Variants in HIVEP3 observed in about 807,000 individuals in gnomAD.
HIVEP3 encodes the protein HIVEP zinc finger 3, also known as transcription factor HIVEP3.
HIVEP3 carries 49 observed loss-of-function variants against 152.8 expected under a neutral mutation model. The observed-to-expected ratio is 0.32, with a 90% confidence interval of 0.26 to 0.41. The LOEUF is 0.41. HIVEP3 is among the 10% of genes least tolerant of loss of function. The pLI is 1.00. For synonymous variants in HIVEP3, 1,269 were observed against 1,289.0 expected, an observed-to-expected ratio of 0.98 and a Z score of 0.33; for missense variants, 2,790 against 3,103.3, an observed-to-expected ratio of 0.90 and a Z score of 2.40.
chr1:41,978,299 C>T (rs114297167), intron 1 of HIVEP3, among the ~76,000 whole-genome samples: 3 of 152,104 alleles, frequency 2.0e-5, no homozygotes, highest in Non-Finnish European at 2.9e-5. Context: ...TCCCCCACCC[C>T]CCAAATTCAT....
chr1:41,620,927 G>A (rs187893571), intron 3 of HIVEP3, among the ~76,000 whole-genome samples: 2 of 152,260 alleles, frequency 1.3e-5, no homozygotes, highest in East Asian at 1.9e-4. Flanking sequence ...TTCCACCTGC[G>A]GCACCTCGAG....
At chr1:41,690,751 C>G (rs1272553417) in intron 2 of HIVEP3, among the ~76,000 whole-genome samples, 1 of 152,150 alleles carries the variant, frequency 6.6e-6, no homozygotes, top group East Asian at 1.9e-4. Flanking sequence ...AACGCTGTCT[C>G]TACTAAAAAT....
rs368381179 is a variant in HIVEP3, at chr1:41,801,761, T to TA, written c.-800-100767dup. Among the ~76,000 whole-genome samples the TA allele has an allele frequency of 4.8e-3, 695 of 145,260 alleles. 6 individuals carry two copies. The highest frequency in any genetic ancestry group is 0.016 in the African/African-American group (632 of 39,450). On this transcript the variant is annotated intron_variant, in intron 1 of 8. Coordinates refer to ENST00000372583, the MANE Select transcript of HIVEP3 (RefSeq NM_024503.5). ...TCCATCTGAAAAAAATAAAATAAGA[T>TA]AAAAAAAAAATGCCCCTAGGGGTCC...
Position 41,986,376 on chromosome 1 carries a change from A to G in HIVEP3, n.119+49431T>C, listed in dbSNP as rs185624766. 9.9e-5 allele frequency among the ~76,000 whole-genome samples: 15 copies of G among 151,990 alleles called. No homozygotes were observed. In the East Asian group the frequency reaches 2.5e-3, roughly 25 times the overall value. The stretch of plus-strand genomic sequence containing the variant: ...CTTCCATGCATAACACTGAAGTTCT[A>G]TAAGTATTTGTTGAACAAGTGGTAC... On this transcript the variant is annotated intron_variant and non_coding_transcript_variant, in intron 1 of 3. Coordinates refer to the HIVEP3 transcript ENST00000489103.
In HIVEP3 at chr1:41,582,181, G is replaced by T. The variant is rs774393791; in HGVS notation, c.2617C>A (p.Pro873Thr). 2.5e-6 allele frequency: 4 copies of T among 1,613,904 alleles called. No homozygotes were observed. The highest frequency in any genetic ancestry group is 3.4e-6 in the Non-Finnish European group (4 of 1,179,980). Residue 873 changes from proline to threonine, a missense_variant, in exon 4 of 9, where the codon CCG (proline) becomes ACG (threonine). Pro to Thr is a conservative substitution (Grantham distance 38, BLOSUM62 -1). Coordinates refer to ENST00000372583, the MANE Select transcript of HIVEP3 (RefSeq NM_024503.5). This position sits in a 1 kb window ranked among gnomAD's most constrained non-coding sequence, Gnocchi z 4.7. ...EPDRPDTEPE[P>T]PPKEPEKTEE... is the part of the protein sequence containing the mutation. ...GTCTTCTCAGGTTCCTTAGGGGGCG[G>T]CTCTGGCTCTGTGTCCGGCCGGTCA... is the stretch of plus-strand genomic sequence containing the variant.
At chr1:41,703,713 G>T (rs1031654386) in intron 1 of HIVEP3, among the ~76,000 whole-genome samples, 7 of 152,182 alleles carry the variant, frequency 4.6e-5, no homozygotes, top group Admixed American at 1.3e-4. Context: ...ATATTTATTG[G>T]ATTGTTGAAT....
At chr1:41,745,310 A>G (rs1200155979) in intron 1 of HIVEP3, among the ~76,000 whole-genome samples, 1 of 152,224 alleles carries the variant, frequency 6.6e-6, no homozygotes, top group Non-Finnish European at 1.5e-5. Context: ...ATGCTGAAAG[A>G]TGTCCCTCAG....
At chr1:41,720,623 A>G (rs963719089) in intron 1 of HIVEP3, among the ~76,000 whole-genome samples, 5 of 152,256 alleles carry the variant, frequency 3.3e-5, no homozygotes, top group African/African-American at 1.2e-4. Context: ...TGCAGCCACT[A>G]TGGGGAACAG....
chr1:41,698,389 G>A (rs1646309137), intron 2 of HIVEP3, among the ~76,000 whole-genome samples: 1 of 152,170 alleles, frequency 6.6e-6, no homozygotes, highest in Admixed American at 6.5e-5. Context: ...CCAGGTTTAT[G>A]TCAGCATTTG....
At chr1:41,604,919 T>G (rs1644796392) in intron 3 of HIVEP3, among the ~76,000 whole-genome samples, 1 of 151,630 alleles carries the variant, frequency 6.6e-6, no homozygotes, top group African/African-American at 2.4e-5. Flanking sequence ...GCTTGGGCAA[T>G]GTAGGGAGAC....
chr1:41,852,460 G>T (rs1643630940), intron 1 of HIVEP3, among the ~76,000 whole-genome samples: 1 of 152,246 alleles, frequency 6.6e-6, no homozygotes, highest in Admixed American at 6.5e-5. Flanking sequence ...CCAGAGACAG[G>T]AATATCAGAG....
At chr1:41,766,984 C>T (rs1648052462) in intron 1 of HIVEP3, among the ~76,000 whole-genome samples, 1 of 152,230 alleles carries the variant, frequency 6.6e-6, no homozygotes, top group Non-Finnish European at 1.5e-5. Context: ...CTACACCAAC[C>T]CGCACTAGAC....
rs72669036 is a variant in HIVEP3 at position 41,539,960 on chromosome 1, G to A, written c.5208-15050C>T. Among the ~76,000 whole-genome samples, 1,426 of 152,330 alleles carry A rather than the reference G, an allele frequency of 9.4e-3. 11 individuals carry two copies. Among genetic ancestry groups the A allele is most frequent in the Non-Finnish European group, 0.013 (883 of 68,044 alleles). ...ATGATGACAGTGCTGAGTACGAATAGCAGGTATTGAGGCAGAAAGGCCAGT... is the reference window on the plus strand; with the variant it reads ...ATGATGACAGTGCTGAGTACGAATAACAGGTATTGAGGCAGAAAGGCCAGT... On this transcript the variant is annotated intron_variant, in intron 5 of 8. Transcript: ENST00000372583.
At chr1:41,518,319 C>A in intron 7 of HIVEP3, 83 bp downstream of exon 7, 1 of 1,158,634 alleles carries the variant, frequency 8.6e-7, no homozygotes, top group Non-Finnish European at 1.3e-6. Context: ...AGAAAGGAAG[C>A]AGGGAAGGCA....
At chr1:41,903,604 A>G (rs1397614588) in intron 1 of HIVEP3, among the ~76,000 whole-genome samples, 1 of 152,222 alleles carries the variant, frequency 6.6e-6, no homozygotes, top group Non-Finnish European at 1.5e-5. Flanking sequence ...GTGACATTAG[A>G]AAAGAAATCA....
intron 1 of HIVEP3, among the ~76,000 whole-genome samples, chr1:41,755,667 T>A (rs1388970124): frequency 6.7e-6 from 1 of 149,182 alleles, no homozygotes; most frequent in African/African-American, 2.5e-5. Flanking sequence ...GCTAAAGACA[T>A]GAATGAACAC....
chr1:42,001,808 C>T (rs1645429572), intron 1 of HIVEP3, among the ~76,000 whole-genome samples: 1 of 152,140 alleles, frequency 6.6e-6, no homozygotes, highest in African/African-American at 2.4e-5. Flanking sequence ...ACAGTCACTG[C>T]CTAAGTCTCC....
At chr1:42,020,681 A>G (rs1645548593) in intron 1 of HIVEP3, among the ~76,000 whole-genome samples, 2 of 152,210 alleles carry the variant, frequency 1.3e-5, no homozygotes, top group African/African-American at 4.8e-5. Flanking sequence ...TACACCAGGC[A>G]TTATTCCAAT....
intron 1 of HIVEP3, among the ~76,000 whole-genome samples, chr1:41,906,834 CT>C (rs375034510): frequency 0.057 from 8,026 of 140,386 alleles, 710 homozygotes; most frequent in African/African-American, 0.19. Flanking sequence ...TCCCCCTTTC[CT>C]TTTTTTTTTT....
Sources: gnomAD v4.1 joint callset for allele counts (sites outside exome capture counted in the v4.1 genomes callset) on GRCh38, gnomAD v4.1.1 for gene constraint, Gnocchi (gnomAD v3.1) non-coding constraint, MANE v1.5 for transcripts, NCBI Gene and HGNC (gene_info 2026-07-23, HGNC 2026-07-21) for gene names.